The following SGCZ variants were observed in gnomAD, a reference collection of about 807,000 sequenced individuals.
SGCZ encodes the protein zeta-sarcoglycan.
In SGCZ, 40 loss-of-function variants were observed where a neutral mutation model predicts 41.3. The observed-to-expected ratio is 0.97, with a 90% CI of 0.75 to 1.26. The LOEUF is 1.26. Among genes scored for constraint, SGCZ ranks in the 50% most tolerant of loss-of-function variants. The pLI is 0.00. For missense variants in SGCZ, 552 were observed against 369.8 expected (o/e 1.49, Z -4.04); for synonymous variants, 206 against 137.5 (o/e 1.50, Z -3.49).
intron 1 of SGCZ, among the ~76,000 whole-genome samples, chr8:14,980,877 T>C (rs377484151): frequency 2.5e-4 from 38 of 150,630 alleles, no homozygotes; most frequent in South Asian, 6.2e-4. Context: ...TATCTATCCA[T>C]GCATACTTGT....
intron 4 of SGCZ, among the ~76,000 whole-genome samples, chr8:14,217,346 C>T (rs906433499): frequency 2.7e-5 from 4 of 148,756 alleles, no homozygotes; most frequent in African/African-American, 5.0e-5. Flanking sequence ...CACACCCACA[C>T]GCACACATAC....
chr8:15,176,781 C>T (rs1800012264), intron 1 of SGCZ, among the ~76,000 whole-genome samples: 1 of 152,152 alleles, frequency 6.6e-6, no homozygotes, highest in Non-Finnish European at 1.5e-5. Flanking sequence ...GTGGGCGGAT[C>T]ACAAGGTCAG....
At chr8:14,479,325 T>C (rs13248187) in intron 2 of SGCZ, among the ~76,000 whole-genome samples, 29,373 of 152,064 alleles carry the variant, frequency 0.19, 3,430 homozygotes, top group Admixed American at 0.27. Context: ...GGGAGAAAAA[T>C]AGAGGCCCGG....
chr8:15,214,450 T>C (rs1417997926), intron 1 of SGCZ, among the ~76,000 whole-genome samples: 1 of 152,214 alleles, frequency 6.6e-6, no homozygotes. Context: ...TTGACTGTTT[T>C]AATTTTAACT....
intron 1 of SGCZ, among the ~76,000 whole-genome samples, chr8:14,600,945 C>T (rs1805571508): frequency 1.3e-5 from 2 of 150,968 alleles, no homozygotes; most frequent in Middle Eastern, 3.5e-3. Context: ...GATTCTGAAT[C>T]GGAGATGACT....
chr8:14,680,097 T>C (rs1390331709), intron 1 of SGCZ, among the ~76,000 whole-genome samples: 1 of 152,110 alleles, frequency 6.6e-6, no homozygotes. Context: ...TCTCAGAATG[T>C]ATCTCCACTG....
intron 5 of SGCZ, among the ~76,000 whole-genome samples, chr8:14,128,841 CAA>C (rs1461564932): frequency 6.6e-6 from 1 of 151,948 alleles, no homozygotes; most frequent in Non-Finnish European, 1.5e-5. Flanking sequence ...GATTCAGAAA[CAA>C]AGTCAAAAAC....
chr8:14,810,228 C>T (rs1180396673), intron 1 of SGCZ, among the ~76,000 whole-genome samples: 4 of 152,020 alleles, frequency 2.6e-5, no homozygotes, highest in East Asian at 1.9e-4. Context: ...TTTGGTAAGG[C>T]AATTTTTTTC....
At chr8:15,132,190 C>G (rs541359490) in intron 1 of SGCZ, among the ~76,000 whole-genome samples, 2 of 152,138 alleles carry the variant, frequency 1.3e-5, no homozygotes, top group East Asian at 3.9e-4. Context: ...TAGCAAGAAC[C>G]ACACACAATG....
intron 1 of SGCZ, among the ~76,000 whole-genome samples, chr8:15,185,537 C>T (rs1474970423): frequency 6.6e-6 from 1 of 152,050 alleles, no homozygotes; most frequent in Non-Finnish European, 1.5e-5. Flanking sequence ...CTATTTATTG[C>T]CTCGATATCT....
chr8:14,572,720 T>A (rs1027334782), intron 1 of SGCZ, among the ~76,000 whole-genome samples: 2 of 152,112 alleles, frequency 1.3e-5, no homozygotes, highest in East Asian at 3.9e-4. Flanking sequence ...TACCACTCAA[T>A]TAAAGTATCA....
At chr8:14,143,909 A>C (rs1052276251) in intron 5 of SGCZ, among the ~76,000 whole-genome samples, 2 of 152,202 alleles carry the variant, frequency 1.3e-5, no homozygotes, top group African/African-American at 4.8e-5. Context: ...GTAAAACTGC[A>C]TGAAACTCAG....
At chr8:14,332,967 C>T (rs942272259) in intron 2 of SGCZ, among the ~76,000 whole-genome samples, 3 of 150,222 alleles carry the variant, frequency 2.0e-5, no homozygotes, top group Non-Finnish European at 3.0e-5. Context: ...TGTTCACATA[C>T]GAAATGGAGA....
At chr8:14,521,235 A>T (rs1802779850) in intron 2 of SGCZ, among the ~76,000 whole-genome samples, 1 of 152,152 alleles carries the variant, frequency 6.6e-6, no homozygotes, top group Non-Finnish European at 1.5e-5. Flanking sequence ...ATGATCCCTG[A>T]CAACCACTAA....
At chr8:14,445,066 A>T (rs982510936) in intron 2 of SGCZ, among the ~76,000 whole-genome samples, 1 of 152,218 alleles carries the variant, frequency 6.6e-6, no homozygotes. Flanking sequence ...ATTAAGCTTG[A>T]CTTCAAGACA....
chr8:15,159,744 T>TCCC lies in SGCZ; in HGVS notation c.39+77838_39+77840dup, dbSNP rs1235169959. ...TCCCTCGCCCCCGCCCCCCCCACCCTCCCCCCCACCCCCGCCACACACACA... is the reference window on the plus strand; with the variant it reads ...TCCCTCGCCCCCGCCCCCCCCACCCTCCCCCCCCCCACCCCCGCCACACACACA... On this transcript the variant is annotated intron_variant, in intron 1 of 7. Coordinates refer to ENST00000382080, the MANE Select transcript of SGCZ (RefSeq NM_139167.4). 1.2e-3 allele frequency among the ~76,000 whole-genome samples: 6 copies of TCCC among 4,982 alleles called. No individual in the cohort carries two copies. In the East Asian group the frequency reaches 0.03, roughly 25 times the overall value. The allele number at this position is 4,982 out of a possible 152,430, so 3.3% of individuals were successfully genotyped here.
intron 2 of SGCZ, among the ~76,000 whole-genome samples, chr8:14,403,052 T>C (rs1799120640): frequency 6.7e-6 from 1 of 149,542 alleles, no homozygotes; most frequent in Non-Finnish European, 1.5e-5. Flanking sequence ...TTTGAAGCAA[T>C]TGTGAATGGG....
chr8:14,831,650 A>G (rs1802532731), intron 1 of SGCZ, among the ~76,000 whole-genome samples: 3 of 152,090 alleles, frequency 2.0e-5, no homozygotes, highest in Middle Eastern at 3.4e-3. Flanking sequence ...GTGTGTATAT[A>G]TATATATATA....
chr8:14,705,517 T>TACTGCA (rs1327215293), intron 1 of SGCZ, among the ~76,000 whole-genome samples: 1 of 151,978 alleles, frequency 6.6e-6, no homozygotes, highest in Non-Finnish European at 1.5e-5. Context: ...TTGCAAACCT[T>TACTGCA]GTCTCCGATG....
Sources: gnomAD v4.1 joint callset for allele counts (sites outside exome capture counted in the v4.1 genomes callset) on GRCh38, gnomAD v4.1.1 for gene constraint, MANE v1.5 for transcripts, NCBI Gene and HGNC (gene_info 2026-07-23, HGNC 2026-07-21) for gene names.